Variants in ITGA11 observed in about 807,000 individuals in gnomAD.
ITGA11 encodes integrin alpha-11.
In ITGA11, 97 loss-of-function variants were observed where a neutral mutation model predicts 141.9. The ratio of observed to expected loss-of-function variants is 0.68; its 90% CI spans 0.58 to 0.81. ITGA11 has a LOEUF of 0.81. Ranked by LOEUF, ITGA11 falls within the 30% of genes least tolerant of loss-of-function variation. The pLI is 0.00. For synonymous variants in ITGA11, 658 were observed against 624.6 expected (o/e 1.05, Z -0.80); for missense variants, 1,387 against 1,559.2 (o/e 0.89, Z 1.86).
Position 68,331,076 on chromosome 15 carries a change from C to A in ITGA11, c.1806G>T (p.Gln602His), listed in dbSNP as rs528702776. 3 of 1,606,630 alleles carry A rather than the reference C, an allele frequency of 1.9e-6. No homozygotes were observed. The highest frequency in any genetic ancestry group is 2.5e-6 in the Non-Finnish European group (3 of 1,176,658). Reference sequence around the variant, plus strand: ...GCCCGTGGATGCTGCAGCCAAAATACTGGAGGCCGGTAGCCAGCTCTGAGG... The same window carrying A: ...GCCCGTGGATGCTGCAGCCAAAATAATGGAGGCCGGTAGCCAGCTCTGAGG... ...ITASELATGL[Q>H]YFGCSIHGQL... is the part of the protein sequence containing the mutation. The change falls in exon 15 of 30, where the codon CAG becomes CAT. Residue 602 changes from glutamine (Q) to histidine (H), a missense_variant. Coordinates refer to ENST00000315757, the MANE Select transcript of ITGA11 (RefSeq NM_001004439.2).
intron 3 of ITGA11, among the ~76,000 whole-genome samples, chr15:68,368,659 T>C (rs1023857499): frequency 6.6e-5 from 10 of 152,192 alleles, no homozygotes; most frequent in Non-Finnish European, 1.2e-4. Context: ...GCCCTGCTCC[T>C]TGTGAGCTGA....
At chr15:68,380,837 C>T (rs1345028101) in intron 2 of ITGA11, among the ~76,000 whole-genome samples, 1 of 152,166 alleles carries the variant, frequency 6.6e-6, no homozygotes, top group Non-Finnish European at 1.5e-5. Flanking sequence ...CCCTGTTCCT[C>T]CCTTCTGACT....
chr15:68,387,128 TAGA>T (rs1287608596), intron 2 of ITGA11, among the ~76,000 whole-genome samples: 3 of 151,794 alleles, frequency 2.0e-5, no homozygotes, highest in South Asian at 2.1e-4. Context: ...GATGGAAAAG[TAGA>T]AGAAGGTAGG....
rs192014956 is a variant in ITGA11 at position 68,328,704 on chromosome 15, C to T, written c.1902-442G>A. ...CTTAGCAGGTTTTAAAGCAGTGCCT[C>T]TGAAATTTTCATATGTGTGCACGCC... On this transcript the variant is annotated intron_variant, in intron 15 of 29. Coordinates refer to ENST00000315757, the MANE Select transcript of ITGA11 (RefSeq NM_001004439.2). This position sits in a 1 kb window ranked among gnomAD's most constrained non-coding sequence, Gnocchi z 4.8. 5.1e-4 allele frequency among the ~76,000 whole-genome samples: 78 copies of T among 152,328 alleles called. No individual in the cohort carries two copies. The highest frequency in any genetic ancestry group is 1.9e-3 in the African/African-American group (78 of 41,578).
At chr15:68,364,887 T>A in intron 3 of ITGA11, 89 bp from the exon 4 acceptor site, 2 of 1,216,050 alleles carry the variant, frequency 1.6e-6, no homozygotes, top group Non-Finnish European at 2.4e-6. Context: ...CCGAGGTGCC[T>A]CCCCGATTCT....
In ITGA11 at chr15:68,409,934, C is replaced by G. The variant is rs183737350; in HGVS notation, c.53-6905G>C. 9.2e-5 allele frequency among the ~76,000 whole-genome samples: 14 copies of G among 152,346 alleles called. No homozygotes were observed. The East Asian group carries it at 2.3e-3, about 25-fold the overall frequency. On this transcript the variant is annotated intron_variant, in intron 1 of 29. Coordinates refer to ENST00000315757, the MANE Select transcript of ITGA11 (RefSeq NM_001004439.2). The stretch of plus-strand genomic sequence containing the variant: ...TCTTCCTCTGCCCTTTCAGACACCA[C>G]CGACCGTCGTCAGTCACTTGAATCC...
chr15:68,413,756 T>C (rs2140427621), intron 1 of ITGA11, among the ~76,000 whole-genome samples: 1 of 152,334 alleles, frequency 6.6e-6, no homozygotes, highest in African/African-American at 2.4e-5. Context: ...CTCGAGCATC[T>C]GTCTTGAGTC....
intron 5 of ITGA11, among the ~76,000 whole-genome samples, chr15:68,360,674 G>A (rs961958747): frequency 2.0e-5 from 3 of 152,182 alleles, no homozygotes; most frequent in Admixed American, 2.0e-4. Flanking sequence ...CTAGCTCTAG[G>A]GGTGGTGACA....
At position 68,307,965 on chromosome 15, in the gene ITGA11, T is replaced by C. The variant is rs140724032; in HGVS notation, c.3175-269A>G. On this transcript the variant is annotated intron_variant, in intron 26 of 29. Transcript: ENST00000315757. The surrounding 1 kb of genome is among the most constrained non-coding windows in gnomAD (Gnocchi z 6.1). Reference sequence around the variant, plus strand: ...CAGGGACAGAACTTTTGTTCAACATTAGGGAATCTATAAATGTTTCCTATC... The same window carrying C: ...CAGGGACAGAACTTTTGTTCAACATCAGGGAATCTATAAATGTTTCCTATC... 1.2e-3 allele frequency among the ~76,000 whole-genome samples: 181 copies of C among 152,260 alleles called. 1 individual carries two copies. The East Asian group carries it at 0.014, about 11-fold the overall frequency.
At chr15:68,394,285 T>C (rs1014334537) in intron 2 of ITGA11, among the ~76,000 whole-genome samples, 6 of 152,116 alleles carry the variant, frequency 3.9e-5, no homozygotes, top group African/African-American at 1.2e-4. Flanking sequence ...ACCATGGAAT[T>C]GAATTAGAAA....
intron 7 of ITGA11, among the ~76,000 whole-genome samples, chr15:68,355,980 G>T (rs568790526): frequency 1.2e-4 from 19 of 152,290 alleles, no homozygotes; most frequent in African/African-American, 4.1e-4. Context: ...TAATTTCAGT[G>T]GGGGGTGAGC....
At chr15:68,311,960 G>A (rs1044006715) in intron 24 of ITGA11, among the ~76,000 whole-genome samples, 1 of 152,194 alleles carries the variant, frequency 6.6e-6, no homozygotes, top group Non-Finnish European at 1.5e-5. Context: ...TGAGCTGTGT[G>A]ACCCTGGGCA....
In ITGA11 at chr15:68,326,731, C is replaced by T. The variant is rs199568343; in HGVS notation, c.2134G>A (p.Gly712Arg). ...ACGGCTCTGTTGGTGAATCGGTCCC[C>T]GCCCTCGTCCAGGTGGGCCCTCGGT... The part of the protein sequence containing the change: ...YTPRAHLDEG[G>R]DRFTNRAVLL... Residue 712 changes from glycine (G) to arginine (R), a missense_variant, in exon 17 of 30, where the codon GGG (glycine) becomes AGG (arginine). Coordinates refer to ENST00000315757, the MANE Select transcript of ITGA11 (RefSeq NM_001004439.2). The surrounding 1 kb of genome is among the most constrained non-coding windows in gnomAD (Gnocchi z 6.8). 113 of 1,582,438 alleles carry T rather than the reference C, an allele frequency of 7.1e-5. No homozygotes were observed. The highest frequency in any genetic ancestry group is 1.7e-4 in the Middle Eastern group (1 of 6,032).
chr15:68,371,890 C>T (rs1484903975), intron 2 of ITGA11, among the ~76,000 whole-genome samples: 3 of 152,060 alleles, frequency 2.0e-5, no homozygotes, highest in South Asian at 2.1e-4. Context: ...GCAATGAGAC[C>T]GGTTTTGTCC....
intron 2 of ITGA11, among the ~76,000 whole-genome samples, chr15:68,390,110 G>A (rs1896079750): frequency 6.6e-6 from 1 of 152,220 alleles, no homozygotes; most frequent in Non-Finnish European, 1.5e-5. Context: ...GTGTCTGCGA[G>A]TGTTGTTATT....
chr15:68,348,471 C>T (rs530625999), intron 10 of ITGA11, among the ~76,000 whole-genome samples: 4 of 152,232 alleles, frequency 2.6e-5, no homozygotes, highest in African/African-American at 7.2e-5. Context: ...AGGCACACCC[C>T]GCGCCTCACA....
Position 68,342,532 on chromosome 15 carries a change from G to T in ITGA11, c.1132-2888C>A, listed in dbSNP as rs1480731349. On this transcript the variant is annotated intron_variant, in intron 10 of 29. Coordinates refer to ENST00000315757, the MANE Select transcript of ITGA11 (RefSeq NM_001004439.2). ...CCCTCCACCAGACCCTGCCAACTCA[G>T]CTCTCAGCTGCCCTCTGACCTGGCC... 3.3e-5 allele frequency among the ~76,000 whole-genome samples: 5 copies of T among 152,210 alleles called. No homozygotes were observed. The East Asian group carries it at 9.6e-4, about 29-fold the overall frequency.
chr15:68,415,405 G>T (rs1896865230), intron 1 of ITGA11, among the ~76,000 whole-genome samples: 3 of 152,246 alleles, frequency 2.0e-5, no homozygotes. Flanking sequence ...TGGATAGAGA[G>T]ACTGGCCACA....
rs769599378 is a variant in ITGA11 at position 68,334,340 on chromosome 15, T to C, written c.1425+1357A>G. On this transcript the variant is annotated intron_variant, in intron 12 of 29. Coordinates refer to ENST00000315757, the MANE Select transcript of ITGA11 (RefSeq NM_001004439.2). ...CTGCTAGGAGAGAGAGTCATCCTCA[T>C]TTTCAAGGGAAGGAACCAAAACTCA... Among the ~76,000 whole-genome samples the C allele has an allele frequency of 1.6e-4, 25 of 152,188 alleles. 1 individual carries two copies. The highest frequency in any genetic ancestry group is 5.2e-4 in the Admixed American group (8 of 15,284).
Sources: allele counts gnomAD v4.1 joint callset (sites outside exome capture counted in the v4.1 genomes callset), GRCh38; gene constraint gnomAD v4.1.1; non-coding constraint Gnocchi (gnomAD v3.1); transcripts MANE v1.5; gene names NCBI Gene and HGNC (gene_info 2026-07-23, HGNC 2026-07-21).